Variants in ARIH2 observed in about 807,000 individuals in gnomAD.
ARIH2 encodes E3 ubiquitin-protein ligase ARIH2.
A neutral mutation model predicts 79.8 loss-of-function variants in ARIH2; 12 were observed. The ratio of observed to expected loss-of-function variants is 0.15; its 90% confidence interval spans 0.10 to 0.24. The LOEUF (loss-of-function observed/expected upper bound fraction) is 0.24. ARIH2 is among the 10% of genes least tolerant of loss of function. The pLI is 1.00. For missense variants in ARIH2, 301 were observed against 618.3 expected, an observed-to-expected ratio of 0.49 and a Z score of 5.44; for synonymous variants, 224 against 213.9, an observed-to-expected ratio of 1.05 and a Z score of -0.41.
In ARIH2 at chr3:48,954,062, G is replaced by A. The variant is rs192392606; in HGVS notation, c.256-7550G>A. Among the ~76,000 whole-genome samples the A allele has an allele frequency of 3.5e-3, 526 of 152,182 alleles. 5 individuals are homozygous for A. The highest frequency in any genetic ancestry group is 5.0e-3 in the Non-Finnish European group (342 of 68,006). ...TGTAATCACCGCTACTTGGGAGGCC[G>A]AGACAGGAGAATCGCTTGAACCTGG... On this transcript the variant is annotated intron_variant, in intron 3 of 15. Coordinates refer to ENST00000356401, the MANE Select transcript of ARIH2 (RefSeq NM_006321.4).
At position 48,927,506 on chromosome 3, in the gene ARIH2, G is replaced by T; in HGVS notation, c.-53G>T. Reference sequence around the variant, plus strand: ...ATTTGAGAAAGCGGTAGTTTTGGGGGGAGGGGGAAAAAGCAACTGCTTTCC... The same window carrying T: ...ATTTGAGAAAGCGGTAGTTTTGGGGTGAGGGGGAAAAAGCAACTGCTTTCC... On this transcript the variant is annotated 5_prime_UTR_variant, in exon 3 of 16. Coordinates refer to ENST00000356401, the MANE Select transcript of ARIH2 (RefSeq NM_006321.4). 6.3e-7 allele frequency: 1 copy of T among 1,584,556 alleles called. No individual in the cohort carries two copies. Among genetic ancestry groups the T allele is most frequent in the Non-Finnish European group, 8.6e-7 (1 of 1,167,530 alleles).
Position 48,974,581 on chromosome 3 carries a change from G to T in ARIH2, c.889-236G>T, listed in dbSNP as rs1158630506. The T allele has an allele frequency of 5.2e-6, 3 of 578,546 alleles. No homozygotes were observed. In the African/African-American group the frequency reaches 5.6e-5, roughly 11 times the overall value. The allele number at this position is 578,546 out of a possible 1,614,324, so 35.8% of individuals were successfully genotyped here. A position where few individuals can be genotyped will look rare whatever the true frequency, so the allele number is the denominator to read the frequency against. On this transcript the variant is annotated intron_variant, in intron 9 of 15. Coordinates refer to ENST00000356401, the MANE Select transcript of ARIH2 (RefSeq NM_006321.4). Reference sequence around the variant, plus strand: ...TAGCTTCATGGCAGGGGCAGATGGTGGAAGACTTAGTGGGGTTCAGCTGGT... The same window carrying T: ...TAGCTTCATGGCAGGGGCAGATGGTTGAAGACTTAGTGGGGTTCAGCTGGT...
At chr3:48,974,664 G>C in intron 9 of ARIH2, 153 bp from the exon 10 acceptor site, 1 of 736,592 alleles carries the variant, frequency 1.4e-6, no homozygotes. Flanking sequence ...TGCTGTTCCA[G>C]CCTCAGCGAC....
intron 8 of ARIH2, among the ~76,000 whole-genome samples, chr3:48,973,329 G>A (rs1447847588): frequency 5.3e-5 from 8 of 152,132 alleles, no homozygotes; most frequent in Non-Finnish European, 1.0e-4. Flanking sequence ...TGTAATCCCA[G>A]CACTTTGGGA....
In ARIH2 at chr3:48,967,222, G is replaced by A. The variant is rs932796208; in HGVS notation, c.485G>A (p.Arg162His). ...LSLACQHQFC[R>H]SCWEQHCSVL... ...CTGGCCTGTCAGCACCAGTTTTGCC[G>A]CAGCTGCTGGGAGCAGCACTGCTCA... Residue 162 changes from arginine (R) to histidine (H), a missense_variant, in exon 6 of 16, where the codon CGC (arginine) becomes CAC (histidine). This residue lies in a region of ARIH2 where 223 missense variants were observed against 349.4 expected (regional missense o/e 0.64). Transcript: ENST00000356401. The A allele has an allele frequency of 1.2e-5, 19 of 1,614,174 alleles. 1 individual carries two copies. Among genetic ancestry groups the A allele is most frequent in the Middle Eastern group, 1.6e-4 (1 of 6,062 alleles).
At chr3:48,979,988 C>T in intron 12 of ARIH2, 2 of 242,276 alleles carry the variant, frequency 8.3e-6, no homozygotes, top group Non-Finnish European at 7.8e-6. Flanking sequence ...AATCTGTTCC[C>T]ATAGTATCAT....
intron 13 of ARIH2, among the ~76,000 whole-genome samples, chr3:48,980,837 A>G (rs2092717857): frequency 6.6e-6 from 1 of 151,846 alleles, no homozygotes; most frequent in South Asian, 2.1e-4. Flanking sequence ...CCTGGCCAAC[A>G]TGGTGAAATC....
At chr3:48,979,914 CTTT>C in intron 12 of ARIH2, 2 of 250,634 alleles carry the variant, frequency 8.0e-6, no homozygotes, top group East Asian at 7.0e-5. Context: ...CTAGTACCAT[CTTT>C]TTTTTTTTTT....
At chr3:48,936,872 C>T (rs1362568453) in intron 3 of ARIH2, among the ~76,000 whole-genome samples, 2 of 151,180 alleles carry the variant, frequency 1.3e-5, no homozygotes, top group African/African-American at 4.9e-5. Flanking sequence ...ACTAAAAGTA[C>T]AAAAAATTAG....
At chr3:48,973,967 C>T in intron 9 of ARIH2, 151 bp downstream of exon 9, 1 of 563,868 alleles carries the variant, frequency 1.8e-6, no homozygotes, top group South Asian at 2.8e-5. Context: ...ACAGAGTTGG[C>T]AGCTCGTAGC....
chr3:48,948,257 G>A (rs556234638), intron 3 of ARIH2, among the ~76,000 whole-genome samples: 67 of 151,494 alleles, frequency 4.4e-4, no homozygotes, highest in Non-Finnish European at 4.9e-4. Context: ...CACTGCGCCC[G>A]GCCTCCTTTT....
At position 48,985,619 on chromosome 3, in the gene ARIH2, G is replaced by A. The variant is rs1262701915; in HGVS notation, c.*2349G>A. On this transcript the variant is annotated 3_prime_UTR_variant, in exon 16 of 16. Transcript: ENST00000356401. ...GGTCTGGCCAGTGAACACCAGAGGAGTGCCTTCCTATCAGTCAGCCCCTTC... is the reference window on the plus strand; with the variant it reads ...GGTCTGGCCAGTGAACACCAGAGGAATGCCTTCCTATCAGTCAGCCCCTTC... The A allele has an allele frequency of 1.3e-5, 2 of 152,208 alleles. No individual in the cohort carries two copies. The highest frequency in any genetic ancestry group is 2.4e-5 in the African/African-American group (1 of 41,450). The allele number at this position is 152,208 out of a possible 1,614,324, so 9.4% of individuals were successfully genotyped here. A position where few individuals can be genotyped will look rare whatever the true frequency, so the allele number is the denominator to read the frequency against.
At chr3:48,980,295 T>C (rs1232715780) in intron 12 of ARIH2, 58 bp from the exon 13 acceptor site, 11 of 1,584,506 alleles carry the variant, frequency 6.9e-6, no homozygotes, top group African/African-American at 2.7e-5. Context: ...AACTCCTGTG[T>C]AGACCTCTGC....
rs2092871378 is a variant in ARIH2 at position 48,985,139 on chromosome 3, G to C, written c.*1869G>C. 6.6e-6 allele frequency: 1 copy of C among 152,240 alleles called. No homozygotes were observed. Among genetic ancestry groups the C allele is most frequent in the African/African-American group, 2.4e-5 (1 of 41,446 alleles). The allele number at this position is 152,240 out of a possible 1,614,324, so 9.4% of individuals were successfully genotyped here. ...TCCGTCAAGTCCTTCCTGTGATACT[G>C]CCATGGCACAGGATCTGAGTTGCAG... On this transcript the variant is annotated 3_prime_UTR_variant, in exon 16 of 16. Transcript: ENST00000356401.
rs148569687 is a variant in ARIH2 at position 48,921,712 on chromosome 3, T to G, written c.-161-1036T>G. 1,203 of 152,186 alleles carry G rather than the reference T, an allele frequency of 7.9e-3. 19 individuals are homozygous for G. The highest frequency in any genetic ancestry group is 7.1e-3 in the South Asian group (34 of 4,812). 9.4% of individuals were successfully genotyped at this position (152,186 alleles called of 1,614,324 possible). Reference sequence around the variant, plus strand: ...GCCTCCCAAACCAAAGTGCTGGGATTACTGGCATGAGCCACCACACGTGGT... The same window carrying G: ...GCCTCCCAAACCAAAGTGCTGGGATGACTGGCATGAGCCACCACACGTGGT... On this transcript the variant is annotated intron_variant, in intron 1 of 15. Transcript: ENST00000356401.
At chr3:48,972,014 C>G (rs980560535) in intron 8 of ARIH2, among the ~76,000 whole-genome samples, 2 of 152,036 alleles carry the variant, frequency 1.3e-5, no homozygotes, top group African/African-American at 4.8e-5. Flanking sequence ...GTATCATGAC[C>G]CTACAGATTT....
At chr3:48,975,293 A>G (rs2092439485) in intron 11 of ARIH2, among the ~76,000 whole-genome samples, 1 of 152,208 alleles carries the variant, frequency 6.6e-6, no homozygotes, top group Admixed American at 6.5e-5. Context: ...GCAGGTAAGT[A>G]GCTTGGGGCT....
intron 3 of ARIH2, among the ~76,000 whole-genome samples, chr3:48,928,178 C>T (rs775948173): frequency 1.3e-5 from 2 of 152,178 alleles, no homozygotes; most frequent in African/African-American, 2.4e-5. Context: ...ATCTTCTGTA[C>T]GACTGTGAGT....
chr3:48,957,841 GA>G (rs1559799482), intron 3 of ARIH2, among the ~76,000 whole-genome samples: 1 of 151,978 alleles, frequency 6.6e-6, no homozygotes. Context: ...TCAACTTCCC[GA>G]GTAGCTGGGA....
Sources: gnomAD v4.1 joint callset for allele counts (sites outside exome capture counted in the v4.1 genomes callset) on GRCh38, gnomAD v4.1.1 for gene constraint, gnomAD v4.1.1 regional missense constraint, MANE v1.5 for transcripts, NCBI Gene and HGNC (gene_info 2026-07-23, HGNC 2026-07-21) for gene names.